Variants in CROT observed in about 807,000 individuals in gnomAD.
The protein encoded by CROT is carnitine O-octanoyltransferase.
CROT carries 84 observed loss-of-function variants against 89.2 expected under a neutral mutation model. The ratio of observed to expected loss-of-function variants is 0.94; its 90% CI spans 0.79 to 1.13. CROT has a LOEUF of 1.13. Ranked by LOEUF, CROT falls within the 50% of genes most tolerant of loss-of-function variation. The pLI, the probability that CROT is intolerant of heterozygous loss-of-function variation, is 0.00. For missense variants in CROT, 711 were observed against 727.8 expected (o/e 0.98, Z 0.27); for synonymous variants, 212 against 239.5 (o/e 0.89, Z 1.06).
At chr7:87,346,496 T>G (rs1805682183) in intron 2 of CROT, 66 bp downstream of exon 2, 1 of 152,218 alleles carries the variant, frequency 6.6e-6, no homozygotes, top group African/African-American at 2.4e-5. Context: ...TCATATCTAA[T>G]TGCCCCCAGA....
rs770594340 is a variant in CROT, at chr7:87,349,131, A to G, written c.63A>G (p.Pro21=). The G allele has an allele frequency of 2.5e-6, 4 of 1,608,416 alleles. No individual in the cohort carries two copies. The Admixed American group carries it at 5.0e-5, about 20-fold the overall frequency. ...CATTTCAGTACCAGGATTCTCTTCC[A>G]TCACTGCCTGTTCCTTCACTTGAAG... is the stretch of plus-strand genomic sequence containing the variant. ...ERTFQYQDSL[P]SLPVPSLEES... The change falls in exon 3 of 18, where the codon CCA becomes CCG. Residue 21 remains proline (P), a synonymous_variant. Transcript: ENST00000331536.
intron 17 of CROT, 31 bp downstream of exon 17, chr7:87,393,098 CTA>C (rs1250441613): frequency 1.9e-6 from 3 of 1,602,674 alleles, no homozygotes; most frequent in African/African-American, 2.7e-5. Flanking sequence ...TCTTTCTGTG[CTA>C]TAGAGTAGGA....
At chr7:87,378,361 A>AAAAG (rs1806877970) in intron 10 of CROT, among the ~76,000 whole-genome samples, 1 of 151,466 alleles carries the variant, frequency 6.6e-6, no homozygotes, top group Non-Finnish European at 1.5e-5. Flanking sequence ...AAAAAAAAAA[A>AAAAG]AGGGTTCAGT....
intron 13 of CROT, among the ~76,000 whole-genome samples, chr7:87,388,178 C>T (rs1301834787): frequency 6.6e-6 from 1 of 152,048 alleles, no homozygotes; most frequent in African/African-American, 2.4e-5. Flanking sequence ...ACCCTCATAT[C>T]CTGGCTGCTC....
At chr7:87,368,926 C>G (rs1221878994) in intron 6 of CROT, among the ~76,000 whole-genome samples, 1 of 152,180 alleles carries the variant, frequency 6.6e-6, no homozygotes, top group Non-Finnish European at 1.5e-5. Context: ...TCCTTTTCTA[C>G]TGAAAATTAT....
chr7:87,360,509 T>G (rs1806233668), intron 4 of CROT, among the ~76,000 whole-genome samples: 1 of 152,002 alleles, frequency 6.6e-6, no homozygotes, highest in Non-Finnish European at 1.5e-5. Context: ...CCCAACTGAT[T>G]TTTGTATTTT....
rs777949301 is a variant in CROT at position 87,375,853 on chromosome 7, A to C, written c.776A>C (p.Asp259Ala). ...AKAREYLIGL[D>A]PENLALLEKI... ...GCACGAGAATATCTGATTGGTCTTGATCCAGAGAACTTGGCTTTGTTAGAA... is the reference window on the plus strand; with the variant it reads ...GCACGAGAATATCTGATTGGTCTTGCTCCAGAGAACTTGGCTTTGTTAGAA... The change falls in exon 9 of 18, where the codon GAT (aspartate) becomes GCT (alanine). Residue 259 changes from aspartate to alanine, a missense_variant. Coordinates refer to ENST00000331536, the MANE Select transcript of CROT (RefSeq NM_021151.4). 3.1e-6 allele frequency: 5 copies of C among 1,613,554 alleles called. No individual in the cohort carries two copies. The South Asian group carries it at 5.5e-5, about 18-fold the overall frequency.
At chr7:87,351,784 C>T (rs1249857512) in intron 3 of CROT, among the ~76,000 whole-genome samples, 1 of 152,182 alleles carries the variant, frequency 6.6e-6, no homozygotes, top group African/African-American at 2.4e-5. Context: ...GTCCTCTCCA[C>T]TTTGGAGAAA....
intron 13 of CROT, among the ~76,000 whole-genome samples, chr7:87,383,834 G>A (rs181844208): frequency 2.2e-4 from 34 of 152,170 alleles, no homozygotes; most frequent in African/African-American, 7.9e-4. Flanking sequence ...GGACACTTAG[G>A]TTGATTCTAT....
chr7:87,349,053 C>G lies in CROT; in HGVS notation c.-16C>G, dbSNP rs375446390. The G allele has an allele frequency of 1.5e-4, 214 of 1,413,886 alleles. No homozygotes were observed. The highest frequency in any genetic ancestry group is 2.9e-4 in the Admixed American group (16 of 55,448). The allele number at this position is 1,413,886 out of a possible 1,614,324, so 87.6% of individuals were successfully genotyped here. On this transcript the variant is annotated 5_prime_UTR_variant, in exon 3 of 18. Transcript: ENST00000331536. ...GCTCTCTCTCTTTTCTTTAGGTTTCCTATTGTGATTTTATCATGGAAAATC... is the reference window on the plus strand; with the variant it reads ...GCTCTCTCTCTTTTCTTTAGGTTTCGTATTGTGATTTTATCATGGAAAATC...
At chr7:87,357,711 A>G in intron 3 of CROT, 1 of 614,542 alleles carries the variant, frequency 1.6e-6, no homozygotes, top group Non-Finnish European at 2.9e-6. Context: ...TTTCTTATAT[A>G]GAGCCTTTAT....
chr7:87,378,132 C>A (rs1806868012), intron 10 of CROT, among the ~76,000 whole-genome samples: 1 of 151,710 alleles, frequency 6.6e-6, no homozygotes, highest in Non-Finnish European at 1.5e-5. Flanking sequence ...TCACTTGAGC[C>A]CAGGAGATGG....
chr7:87,392,705 C>T, intron 15 of CROT, 25 bp from the exon 16 acceptor site: 2 of 1,611,322 alleles, frequency 1.2e-6, no homozygotes, highest in Non-Finnish European at 1.7e-6. Context: ...TTTTTTCTAA[C>T]CTGAGATTTG....
At chr7:87,376,249 T>C (rs960038522) in intron 9 of CROT, among the ~76,000 whole-genome samples, 1 of 152,062 alleles carries the variant, frequency 6.6e-6, no homozygotes, top group African/African-American at 2.4e-5. Context: ...CTCAGAAAAT[T>C]TACACAGAGC....
chr7:87,372,317 A>G (rs1053946394), intron 7 of CROT, among the ~76,000 whole-genome samples: 1 of 152,186 alleles, frequency 6.6e-6, no homozygotes, highest in African/African-American at 2.4e-5. Context: ...TCCAATCTTA[A>G]TTTTGATTTA....
intron 3 of CROT, among the ~76,000 whole-genome samples, chr7:87,350,463 G>C (rs1422773063): frequency 6.6e-6 from 1 of 152,138 alleles, no homozygotes; most frequent in Non-Finnish European, 1.5e-5. Flanking sequence ...GCTGCTGCTT[G>C]AAGAGAGAAT....
At chr7:87,389,615 G>A (rs1266372876) in intron 13 of CROT, among the ~76,000 whole-genome samples, 1 of 151,782 alleles carries the variant, frequency 6.6e-6, no homozygotes. Context: ...CACACCGGGG[G>A]CTGTCATGGG....
intron 13 of CROT, among the ~76,000 whole-genome samples, chr7:87,387,797 C>G (rs1031143184): frequency 2.0e-5 from 3 of 152,078 alleles, no homozygotes; most frequent in Admixed American, 6.6e-5. Context: ...ATGGAAAATA[C>G]AAAAATTAGC....
intron 10 of CROT, among the ~76,000 whole-genome samples, chr7:87,379,617 G>A (rs914854766): frequency 6.6e-6 from 1 of 152,180 alleles, no homozygotes; most frequent in Non-Finnish European, 1.5e-5. Flanking sequence ...CTCATAATGA[G>A]CATATCTCTC....
Sources: allele counts gnomAD v4.1 joint callset (sites outside exome capture counted in the v4.1 genomes callset), GRCh38; gene constraint gnomAD v4.1.1; transcripts MANE v1.5; gene names NCBI Gene and HGNC (gene_info 2026-07-23, HGNC 2026-07-21).